CTIF: variants seen among roughly 807,000 people sequenced by gnomAD.
The protein encoded by CTIF is cap binding complex dependent translation initiation factor, also known as CBP80/20-dependent translation initiation factor.
Under a neutral mutation model 66.0 loss-of-function variants are expected in CTIF, and 21 were observed. The observed-to-expected ratio is 0.32, with a 90% confidence interval of 0.23 to 0.46. The LOEUF (loss-of-function observed/expected upper bound fraction) is 0.46, where lower values mean the gene tolerates loss of function less well. Among genes scored for constraint, CTIF ranks in the 20% least tolerant of loss-of-function variants. The pLI, the probability that CTIF is intolerant of heterozygous loss-of-function variation, is 1.00. For missense variants in CTIF, 739 were observed against 812.7 expected (o/e 0.91, Z 1.10); for synonymous variants, 345 against 326.4 (o/e 1.06, Z -0.62).
At chr18:48,712,156 G>A (rs1039995392) in intron 7 of CTIF, among the ~76,000 whole-genome samples, 2 of 152,144 alleles carry the variant, frequency 1.3e-5, no homozygotes, top group Admixed American at 6.5e-5. Flanking sequence ...TCCCTCATGC[G>A]TGCTGGCTCT....
chr18:48,625,210 C>T, intron 2 of CTIF: 1 of 985,048 alleles, frequency 1.0e-6, no homozygotes, highest in Non-Finnish European at 1.2e-6. Flanking sequence ...CAATGGTGGA[C>T]CACCCATGAA....
At chr18:48,730,427 G>T (rs28684556) in intron 7 of CTIF, among the ~76,000 whole-genome samples, 48 of 129,460 alleles carry the variant, frequency 3.7e-4, no homozygotes, top group Non-Finnish European at 4.8e-4. Flanking sequence ...GGGCCCCTGC[G>T]CTGTGAGGGG....
intron 7 of CTIF, among the ~76,000 whole-genome samples, chr18:48,743,261 G>C (rs2092569834): frequency 1.3e-5 from 2 of 152,194 alleles, no homozygotes; most frequent in East Asian, 1.9e-4. Context: ...ATCTGACTCT[G>C]TGTCCACACG....
intron 1 of CTIF, among the ~76,000 whole-genome samples, chr18:48,573,792 G>A (rs948324595): frequency 6.6e-6 from 1 of 152,232 alleles, no homozygotes; most frequent in African/African-American, 2.4e-5. Flanking sequence ...CATTCGCAGT[G>A]TGCCATCACT....
intron 9 of CTIF, among the ~76,000 whole-genome samples, chr18:48,792,095 G>C (rs1033852407): frequency 2.6e-5 from 4 of 152,220 alleles, no homozygotes; most frequent in African/African-American, 9.7e-5. Context: ...TTTCCAAAAG[G>C]CTGTGGAGAA....
intron 6 of CTIF, among the ~76,000 whole-genome samples, chr18:48,694,333 G>A (rs2091975445): frequency 6.6e-6 from 1 of 152,234 alleles, no homozygotes; most frequent in Non-Finnish European, 1.5e-5. Flanking sequence ...CAGAGGCTCT[G>A]GAGACAGAGA....
intron 1 of CTIF, among the ~76,000 whole-genome samples, chr18:48,603,185 G>GAT (rs2090130591): frequency 6.7e-6 from 1 of 150,328 alleles, no homozygotes; most frequent in Admixed American, 6.6e-5. Flanking sequence ...TAGATGGGTG[G>GAT]GTGGATAGGT....
At chr18:48,667,273 C>T (rs922185606) in intron 5 of CTIF, among the ~76,000 whole-genome samples, 2 of 152,102 alleles carry the variant, frequency 1.3e-5, no homozygotes, top group Non-Finnish European at 2.9e-5. Context: ...ATATAGACAC[C>T]ATAAAGACAT....
intron 3 of CTIF, among the ~76,000 whole-genome samples, chr18:48,639,574 C>T (rs770676095): frequency 5.3e-5 from 8 of 152,158 alleles, no homozygotes; most frequent in African/African-American, 1.7e-4. Context: ...TGAATTTACA[C>T]GAGGTCTCCT....
chr18:48,612,012 G>A (rs951793643), intron 1 of CTIF, among the ~76,000 whole-genome samples: 1 of 152,200 alleles, frequency 6.6e-6, no homozygotes, highest in Non-Finnish European at 1.5e-5. Context: ...GACAGAAAAT[G>A]TTGCCAATTT....
chr18:48,790,610 C>T (rs953282990), intron 9 of CTIF, among the ~76,000 whole-genome samples: 33 of 152,222 alleles, frequency 2.2e-4, no homozygotes, highest in Admixed American at 1.2e-3. Flanking sequence ...GCTGGACGGG[C>T]GGCCTCAACG....
At chr18:48,844,762 G>A (rs1359572867) in intron 10 of CTIF, among the ~76,000 whole-genome samples, 1 of 152,214 alleles carries the variant, frequency 6.6e-6, no homozygotes, top group African/African-American at 2.4e-5. Flanking sequence ...TGCACTGTGG[G>A]CAGGCAAGAG....
intron 1 of CTIF, among the ~76,000 whole-genome samples, chr18:48,551,976 G>T (rs368437190): frequency 3.5e-4 from 53 of 151,846 alleles, no homozygotes; most frequent in African/African-American, 1.3e-3. Context: ...TATTTTTTTT[G>T]TATTTTTAGT....
In CTIF at chr18:48,696,195, A is replaced by AGGAGTCCCT. The variant is rs1309541389; in HGVS notation, c.508-15415_508-15407dup. ...GGCTCTGGCATGGGGCGGGGGGCTT[A>AGGAGTCCCT]GGAGTCCCTGGAGTCCCCTAGTCTT... On this transcript the variant is annotated intron_variant, in intron 6 of 11. Coordinates refer to ENST00000256413, the MANE Select transcript of CTIF (RefSeq NM_014772.3). Among the ~76,000 whole-genome samples, 3 of 152,240 alleles carry AGGAGTCCCT rather than the reference A, an allele frequency of 2.0e-5. No homozygotes were observed. The East Asian group carries it at 5.8e-4, about 29-fold the overall frequency.
At chr18:48,728,926 A>G (rs1049194117) in intron 7 of CTIF, among the ~76,000 whole-genome samples, 12 of 152,160 alleles carry the variant, frequency 7.9e-5, no homozygotes, top group Non-Finnish European at 1.8e-4. Flanking sequence ...AGCCACCTTT[A>G]TCTGTTTTGA....
At chr18:48,649,552 C>CT (rs2144753080) in intron 3 of CTIF, among the ~76,000 whole-genome samples, 1 of 152,366 alleles carries the variant, frequency 6.6e-6, no homozygotes, top group Non-Finnish European at 1.5e-5. Flanking sequence ...GCAGCAGAAA[C>CT]TTCTGCAGAC....
At chr18:48,585,380 A>C (rs544303292) in intron 1 of CTIF, among the ~76,000 whole-genome samples, 4 of 152,342 alleles carry the variant, frequency 2.6e-5, no homozygotes, top group African/African-American at 9.6e-5. Context: ...CTGGATCCCC[A>C]AGGGTAGCAG....
At chr18:48,541,837 T>TC (rs1019545125) in intron 1 of CTIF, among the ~76,000 whole-genome samples, 24 of 149,912 alleles carry the variant, frequency 1.6e-4, no homozygotes, top group Middle Eastern at 3.4e-3. Context: ...CCCCAGAACC[T>TC]CCCCCCTCCC....
intron 2 of CTIF, among the ~76,000 whole-genome samples, chr18:48,628,252 A>G (rs1190337652): frequency 1.3e-5 from 2 of 152,170 alleles, no homozygotes; most frequent in African/African-American, 4.8e-5. Flanking sequence ...CTTAGAGGAG[A>G]TGTTGGTCCA....
Sources: allele counts gnomAD v4.1 joint callset (sites outside exome capture counted in the v4.1 genomes callset), GRCh38; gene constraint gnomAD v4.1.1; transcripts MANE v1.5; gene names NCBI Gene and HGNC (gene_info 2026-07-23, HGNC 2026-07-21).